Variants in MTA3 observed in about 807,000 individuals in gnomAD.
The protein encoded by MTA3 is metastasis associated 1 family member 3, also known as metastasis-associated protein MTA3.
In MTA3, 34 loss-of-function variants were observed where a neutral mutation model predicts 83.5. That is an observed-to-expected ratio of 0.41 (90% CI 0.31 to 0.54). MTA3 has a LOEUF of 0.54. Ranked by LOEUF, MTA3 falls within the 20% of genes least tolerant of loss-of-function variation. MTA3 has a pLI of 0.33. For missense variants in MTA3, 761 were observed against 726.4 expected, an observed-to-expected ratio of 1.05 and a Z score of -0.55; for synonymous variants, 303 against 252.7, an observed-to-expected ratio of 1.20 and a Z score of -1.89.
intron 16 of MTA3, among the ~76,000 whole-genome samples, chr2:42,728,726 C>A (rs1304122736): frequency 6.6e-6 from 1 of 152,176 alleles, no homozygotes; most frequent in Non-Finnish European, 1.5e-5. Flanking sequence ...GAACACCTTT[C>A]CATATGCCTG....
chr2:42,526,123 A>G (rs890558293), intron 2 of MTA3, among the ~76,000 whole-genome samples: 1 of 152,192 alleles, frequency 6.6e-6, no homozygotes, highest in East Asian at 1.9e-4. Flanking sequence ...ACCAACAGTA[A>G]CAATGCTCTA....
chr2:42,551,640 G>C (rs1314927602), intron 2 of MTA3, among the ~76,000 whole-genome samples: 5 of 152,146 alleles, frequency 3.3e-5, no homozygotes, highest in Non-Finnish European at 1.5e-5. Context: ...GTGTGTTATG[G>C]AGAGGAATAA....
intron 16 of MTA3, among the ~76,000 whole-genome samples, chr2:42,736,715 C>T (rs993196373): frequency 3.9e-5 from 6 of 152,158 alleles, no homozygotes; most frequent in African/African-American, 1.4e-4. Context: ...AGCCACCCAC[C>T]TGGGAATGTG....
chr2:42,504,830 C>CT (rs1674555737), intron 2 of MTA3, among the ~76,000 whole-genome samples: 1 of 152,134 alleles, frequency 6.6e-6, no homozygotes, highest in South Asian at 2.1e-4. Flanking sequence ...AAGAAACACT[C>CT]TCTTCCTTAA....
intron 2 of MTA3, among the ~76,000 whole-genome samples, chr2:42,497,021 C>T (rs542217069): frequency 6.6e-6 from 1 of 151,888 alleles, no homozygotes; most frequent in Non-Finnish European, 1.5e-5. Flanking sequence ...GCTTGGCCAA[C>T]ATGGTGAAAC....
chr2:42,607,874 C>T (rs1279327185), intron 3 of MTA3, among the ~76,000 whole-genome samples: 2 of 152,078 alleles, frequency 1.3e-5, no homozygotes, highest in Non-Finnish European at 1.5e-5. Context: ...TCACTTGAAC[C>T]CGGGAGATGG....
intron 2 of MTA3, among the ~76,000 whole-genome samples, chr2:42,570,986 C>G (rs1001318520): frequency 2.0e-5 from 3 of 151,510 alleles, no homozygotes; most frequent in Non-Finnish European, 2.9e-5. Context: ...GCACCCTAGC[C>G]TGGGCAATGA....
In MTA3 at chr2:42,570,314, T is replaced by C. The variant is rs1471980477; in HGVS notation, c.29-123T>C. ...TTAAGGCTGCATTATTATGTTTGCT[T>C]TTACCAGTGAATGAATTATGAGCTT... On this transcript the variant is annotated intron_variant, in intron 1 of 16. Transcript: ENST00000405094. The C allele has an allele frequency of 7.4e-6, 4 of 540,146 alleles. No individual in the cohort carries two copies. In the East Asian group the frequency reaches 8.8e-5, roughly 12 times the overall value. The allele number at this position is 540,146 out of a possible 1,614,324, so 33.5% of individuals were successfully genotyped here.
chr2:42,611,089 C>T (rs1360956301), intron 4 of MTA3, among the ~76,000 whole-genome samples: 1 of 150,720 alleles, frequency 6.6e-6, no homozygotes, highest in East Asian at 2.0e-4. Flanking sequence ...TCACGCAGTT[C>T]TCCTGCCTCA....
At chr2:42,564,803 G>C (rs997454418), upstream of MTA3, among the ~76,000 whole-genome samples, 9 of 152,162 alleles carry the variant, frequency 5.9e-5, no homozygotes, top group African/African-American at 2.2e-4. Flanking sequence ...TTGAGATGAA[G>C]TCTCGTTCTG....
intron 4 of MTA3, among the ~76,000 whole-genome samples, chr2:42,618,443 C>T (rs992310978): frequency 2.6e-5 from 4 of 152,082 alleles, no homozygotes; most frequent in African/African-American, 7.2e-5. Flanking sequence ...TCAGCATTAG[C>T]TGTATGTTAA....
At chr2:42,575,717 C>A (rs980958637) in intron 2 of MTA3, among the ~76,000 whole-genome samples, 2 of 152,208 alleles carry the variant, frequency 1.3e-5, no homozygotes, top group African/African-American at 2.4e-5. Flanking sequence ...CCTCACAGAA[C>A]CTTACACCTT....
In MTA3 at chr2:42,750,309, ATTC is replaced by A. The variant is rs545219647; in HGVS notation, c.1760-3060_1760-3058del. Among the ~76,000 whole-genome samples, 15 of 151,744 alleles carry A rather than the reference ATTC, an allele frequency of 9.9e-5. No individual in the cohort carries two copies. The South Asian group carries it at 3.1e-3, about 32-fold the overall frequency. On this transcript the variant is annotated intron_variant, in intron 16 of 16. Coordinates refer to ENST00000405094, the MANE Select transcript of MTA3 (RefSeq NM_001330442.2). ...TGGCCATGTTTTTTGTTGTTTAAGT[ATTC>A]TTCTCTGTTTCTTCTCTCTGTTTCT...
Position 42,750,033 on chromosome 2 carries a change from C to G in MTA3, c.1760-3341C>G, listed in dbSNP as rs1473612287. ...TTTGAGACGGAGTCTCACTCTGTCG[C>G]CAGGCTGGAGTGCAGTGGCACAATC... On this transcript the variant is annotated intron_variant, in intron 16 of 16. Coordinates refer to ENST00000405094, the MANE Select transcript of MTA3 (RefSeq NM_001330442.2). Among the ~76,000 whole-genome samples the G allele has an allele frequency of 2.0e-5, 3 of 152,026 alleles. No individual in the cohort carries two copies. The East Asian group carries it at 5.8e-4, about 29-fold the overall frequency.
chr2:42,590,504 A>G (rs1680840246), intron 3 of MTA3, among the ~76,000 whole-genome samples: 1 of 151,966 alleles, frequency 6.6e-6, no homozygotes, highest in African/African-American at 2.4e-5. Flanking sequence ...AGCCATTAGA[A>G]TTGTGAGCCA....
chr2:42,553,423 C>G (rs866303762), intron 2 of MTA3, among the ~76,000 whole-genome samples: 2 of 122,574 alleles, frequency 1.6e-5, no homozygotes, highest in African/African-American at 6.3e-5. Flanking sequence ...GACTCCATCT[C>G]AAAAAAAAAA....
At chr2:42,645,984 G>C (rs1030103876) in intron 6 of MTA3, among the ~76,000 whole-genome samples, 1 of 152,194 alleles carries the variant, frequency 6.6e-6, no homozygotes, top group Non-Finnish European at 1.5e-5. Context: ...TCTCTGATTA[G>C]TGACTAATGT....
chr2:42,624,564 G>T (rs567349625), intron 4 of MTA3, among the ~76,000 whole-genome samples: 1 of 152,134 alleles, frequency 6.6e-6, no homozygotes, highest in East Asian at 1.9e-4. Flanking sequence ...CTGACGTTGT[G>T]ATCCACCTGC....
intron 8 of MTA3, among the ~76,000 whole-genome samples, chr2:42,678,732 A>T (rs565287468): frequency 2.0e-5 from 3 of 152,290 alleles, no homozygotes; most frequent in African/African-American, 7.2e-5. Flanking sequence ...TCGGTGAACA[A>T]ATTCATAATC....
Sources: gnomAD v4.1 joint callset for allele counts (sites outside exome capture counted in the v4.1 genomes callset) on GRCh38, gnomAD v4.1.1 for gene constraint, MANE v1.5 for transcripts, NCBI Gene and HGNC (gene_info 2026-07-23, HGNC 2026-07-21) for gene names.